PEAK1: variants seen among roughly 807,000 people sequenced by gnomAD.
PEAK1 encodes the protein inactive tyrosine-protein kinase PEAK1.
Under a neutral mutation model 124.7 loss-of-function variants are expected in PEAK1, and 54 were observed. The observed-to-expected ratio is 0.43, with a 90% confidence interval of 0.35 to 0.54. PEAK1 has a LOEUF of 0.54. PEAK1 is among the 20% of genes least tolerant of loss of function. The pLI is 0.01. For synonymous variants in PEAK1, 719 were observed against 760.0 expected, an observed-to-expected ratio of 0.95 and a Z score of 0.89; for missense variants, 2,046 against 2,134.5, an observed-to-expected ratio of 0.96 and a Z score of 0.82.
At chr15:77,232,543 A>G (rs887854930) in intron 6 of PEAK1, among the ~76,000 whole-genome samples, 2 of 152,202 alleles carry the variant, frequency 1.3e-5, no homozygotes, top group Admixed American at 1.3e-4. Context: ...TCAGCGGAAA[A>G]ATAGATCCAA....
chr15:77,272,828 A>G (rs1187642041), intron 5 of PEAK1, among the ~76,000 whole-genome samples: 1 of 152,200 alleles, frequency 6.6e-6, no homozygotes, highest in African/African-American at 2.4e-5. Flanking sequence ...CTACAAACCA[A>G]TATCCCTGAT....
chr15:77,281,057 T>C (rs1048208448), intron 5 of PEAK1, among the ~76,000 whole-genome samples: 1 of 151,780 alleles, frequency 6.6e-6, no homozygotes, highest in Admixed American at 6.6e-5. Flanking sequence ...TCACCTGTAA[T>C]CCCAGGAGGC....
At chr15:77,357,194 G>A (rs1028759740) in intron 2 of PEAK1, among the ~76,000 whole-genome samples, 4 of 152,196 alleles carry the variant, frequency 2.6e-5, no homozygotes, top group East Asian at 1.9e-4. Context: ...CATGTGAGAC[G>A]AGGAGTACGA....
intron 1 of PEAK1, among the ~76,000 whole-genome samples, chr15:77,385,430 G>A (rs576484223): frequency 6.6e-6 from 1 of 152,328 alleles, no homozygotes; most frequent in African/African-American, 2.4e-5. Context: ...AGATTAAAAT[G>A]TCAGATAGCT....
At chr15:77,379,622 G>T (rs896251957) in intron 1 of PEAK1, among the ~76,000 whole-genome samples, 1 of 152,074 alleles carries the variant, frequency 6.6e-6, no homozygotes, top group African/African-American at 2.4e-5. Flanking sequence ...TCTAGAGTAA[G>T]AACTGTTCAC....
intron 7 of PEAK1, among the ~76,000 whole-genome samples, chr15:77,172,310 T>C (rs558400754): frequency 3.9e-5 from 6 of 152,236 alleles, no homozygotes; most frequent in African/African-American, 7.2e-5. Context: ...CATTATATAA[T>C]ACTTTTAAAA....
chr15:77,300,846 T>A (rs578048463), intron 2 of PEAK1, among the ~76,000 whole-genome samples: 1 of 150,520 alleles, frequency 6.6e-6, no homozygotes, highest in East Asian at 1.9e-4. Context: ...CCAGTAATTA[T>A]TTATTTATTT....
chr15:77,362,858 T>A (rs764499904), intron 2 of PEAK1, among the ~76,000 whole-genome samples: 1 of 152,140 alleles, frequency 6.6e-6, no homozygotes, highest in Non-Finnish European at 1.5e-5. Flanking sequence ...TTATTTTATT[T>A]ATTTATTTAT....
intron 6 of PEAK1, among the ~76,000 whole-genome samples, chr15:77,231,720 C>T (rs2059917444): frequency 6.6e-6 from 1 of 152,002 alleles, no homozygotes. Flanking sequence ...TAATTAATTG[C>T]ATATGAAATT....
chr15:77,169,463 T>C (rs892683087), intron 7 of PEAK1, among the ~76,000 whole-genome samples: 4 of 152,202 alleles, frequency 2.6e-5, no homozygotes, highest in African/African-American at 7.2e-5. Flanking sequence ...ATTGGTTAAA[T>C]AACACTAAGA....
Position 77,365,157 on chromosome 15 carries a change from T to C in PEAK1, c.-603+6A>G. 1 of 944,818 alleles carries C rather than the reference T, an allele frequency of 1.1e-6. No homozygotes were observed. The highest frequency in any genetic ancestry group is 1.3e-6 in the Non-Finnish European group (1 of 792,972). 58.5% of individuals were successfully genotyped at this position (944,818 alleles called of 1,614,324 possible). A position where few individuals can be genotyped will look rare whatever the true frequency, so the allele number is the denominator to read the frequency against. On this transcript the variant is annotated splice_donor_region_variant and intron_variant, in intron 2 of 9. Transcript: ENST00000682557. Reference sequence around the variant, plus strand: ...AAAAGGCAAATGAATTCATAAATTATCTCACCTTTGGTTTTTAGATAAACC... The same window carrying C: ...AAAAGGCAAATGAATTCATAAATTACCTCACCTTTGGTTTTTAGATAAACC...
At chr15:77,131,596 A>G (rs1046809495) in intron 9 of PEAK1, among the ~76,000 whole-genome samples, 1 of 152,232 alleles carries the variant, frequency 6.6e-6, no homozygotes, top group African/African-American at 2.4e-5. Flanking sequence ...CATTTTCCTC[A>G]TATGTCAAAT....
chr15:77,343,229 G>C (rs2066651078), intron 2 of PEAK1, among the ~76,000 whole-genome samples: 4 of 152,118 alleles, frequency 2.6e-5, no homozygotes, highest in Admixed American at 2.6e-4. Flanking sequence ...AATGATTAAT[G>C]ATGTTGAGCA....
At chr15:77,117,741 G>A (rs545389991) in intron 9 of PEAK1, among the ~76,000 whole-genome samples, 133 of 152,124 alleles carry the variant, frequency 8.7e-4, no homozygotes, top group Non-Finnish European at 1.6e-3. Flanking sequence ...CTATGAGAGA[G>A]AATTGTTTGG....
chr15:77,142,236 C>G (rs980527734), intron 8 of PEAK1, among the ~76,000 whole-genome samples: 13 of 152,198 alleles, frequency 8.5e-5, no homozygotes, highest in African/African-American at 3.1e-4. Context: ...TGTTTGGCAT[C>G]ATCACTCATG....
intron 9 of PEAK1, among the ~76,000 whole-genome samples, chr15:77,131,052 A>G (rs2052813722): frequency 6.6e-6 from 1 of 152,222 alleles, no homozygotes. Flanking sequence ...TTTCTGCTAC[A>G]GTGAATGTAA....
intron 2 of PEAK1, among the ~76,000 whole-genome samples, chr15:77,292,395 T>C (rs1341257164): frequency 1.3e-5 from 2 of 152,164 alleles, no homozygotes; most frequent in Admixed American, 6.5e-5. Context: ...TACATATTTC[T>C]TGCATAGATA....
chr15:77,263,767 C>T (rs1302730408), intron 5 of PEAK1, among the ~76,000 whole-genome samples: 7 of 152,128 alleles, frequency 4.6e-5, no homozygotes, highest in Non-Finnish European at 1.0e-4. Context: ...AGGCCAGCAT[C>T]ATCCTGATAC....
chr15:77,209,782 T>C (rs527333208), intron 6 of PEAK1, among the ~76,000 whole-genome samples: 77 of 152,298 alleles, frequency 5.1e-4, no homozygotes, highest in Middle Eastern at 3.4e-3. Context: ...ACTTGTGAAA[T>C]TGTTACCTTA....
Sources: allele counts gnomAD v4.1 joint callset (sites outside exome capture counted in the v4.1 genomes callset), GRCh38; gene constraint gnomAD v4.1.1; transcripts MANE v1.5; gene names NCBI Gene and HGNC (gene_info 2026-07-23, HGNC 2026-07-21).